The following C8orf34 variants were observed in gnomAD, a reference collection of about 807,000 sequenced individuals.
The protein encoded by C8orf34 is chromosome 8 open reading frame 34, also known as uncharacterized protein C8orf34.
A neutral mutation model predicts 68.3 loss-of-function variants in C8orf34; 65 were observed. That is an observed-to-expected ratio of 0.95 (90% confidence interval 0.78 to 1.17). C8orf34 has a LOEUF of 1.17. Among genes scored for constraint, C8orf34 ranks in the 50% most tolerant of loss-of-function variants. The pLI, the probability that C8orf34 is intolerant of heterozygous loss-of-function variation, is 0.00. For synonymous variants in C8orf34, 244 were observed against 241.2 expected (o/e 1.01, Z -0.11); for missense variants, 664 against 655.4 (o/e 1.01, Z -0.14).
chr8:68,699,684 C>G (rs1238025738), intron 8 of C8orf34, among the ~76,000 whole-genome samples: 1 of 152,046 alleles, frequency 6.6e-6, no homozygotes, highest in Non-Finnish European at 1.5e-5. Context: ...GCAGAAGAGA[C>G]CAAACACAAA....
chr8:68,592,232 A>AGATTCACAAAAAT (rs71253095), intron 7 of C8orf34, among the ~76,000 whole-genome samples: 89,746 of 151,720 alleles, frequency 0.59, 26,769 homozygotes, highest in African/African-American at 0.64. Flanking sequence ...TTAATTTTTT[A>AGATTCACAAAAAT]TTCCTTATGG....
chr8:68,653,210 T>G (rs1001289458), intron 8 of C8orf34, among the ~76,000 whole-genome samples: 1 of 152,160 alleles, frequency 6.6e-6, no homozygotes, highest in Non-Finnish European at 1.5e-5. Context: ...ATGCAAACAA[T>G]AAAACTCCTG....
At chr8:68,777,361 T>C (rs191448944) in intron 11 of C8orf34, among the ~76,000 whole-genome samples, 26 of 152,350 alleles carry the variant, frequency 1.7e-4, no homozygotes, top group Non-Finnish European at 2.4e-4. Context: ...AACTTAAGAA[T>C]AAGTCTTCTA....
chr8:68,498,336 C>A (rs1458155885), intron 5 of C8orf34, among the ~76,000 whole-genome samples: 1 of 152,212 alleles, frequency 6.6e-6, no homozygotes, highest in Non-Finnish European at 1.5e-5. Flanking sequence ...GAATATTTGA[C>A]TTTGGAACAA....
At chr8:68,771,628 G>A (rs924103937) in intron 10 of C8orf34, among the ~76,000 whole-genome samples, 10 of 151,720 alleles carry the variant, frequency 6.6e-5, no homozygotes, top group African/African-American at 2.2e-4. Flanking sequence ...CCTTTATCCG[G>A]ACTAATGACT....
chr8:68,462,503 A>G (rs1811887754), intron 3 of C8orf34, among the ~76,000 whole-genome samples: 2 of 151,804 alleles, frequency 1.3e-5, no homozygotes, highest in Admixed American at 6.6e-5. Flanking sequence ...TTTCAGCACC[A>G]CACCACACCT....
chr8:68,523,412 C>G (rs1357742823), intron 6 of C8orf34, among the ~76,000 whole-genome samples: 2 of 152,176 alleles, frequency 1.3e-5, no homozygotes, highest in African/African-American at 4.8e-5. Context: ...CCTGAATACT[C>G]AATAAGGGAG....
intron 11 of C8orf34, among the ~76,000 whole-genome samples, chr8:68,786,808 C>T (rs1823858451): frequency 6.6e-6 from 1 of 152,064 alleles, no homozygotes; most frequent in Non-Finnish European, 1.5e-5. Flanking sequence ...ACTTAAAAAG[C>T]GTGCTCTGGC....
At chr8:68,347,357 T>C (rs1158078156) in intron 1 of C8orf34, among the ~76,000 whole-genome samples, 1 of 152,092 alleles carries the variant, frequency 6.6e-6, no homozygotes, top group Non-Finnish European at 1.5e-5. Flanking sequence ...TTTAATCCAG[T>C]CAGTCATTGA....
At chr8:68,526,802 C>G (rs1372901505) in intron 6 of C8orf34, among the ~76,000 whole-genome samples, 1 of 152,018 alleles carries the variant, frequency 6.6e-6, no homozygotes, top group African/African-American at 2.4e-5. Context: ...CGCATGGAAT[C>G]AGATCAAACT....
chr8:68,690,256 A>G (rs1820647591), intron 8 of C8orf34, among the ~76,000 whole-genome samples: 1 of 151,846 alleles, frequency 6.6e-6, no homozygotes, highest in African/African-American at 2.4e-5. Flanking sequence ...TTTGAAAACT[A>G]TTGTAGGGGA....
At chr8:68,777,848 A>T (rs796547979) in intron 11 of C8orf34, among the ~76,000 whole-genome samples, 6 of 152,244 alleles carry the variant, frequency 3.9e-5, no homozygotes, top group African/African-American at 1.4e-4. Context: ...CTCAATAATA[A>T]TTTTTTGTCT....
intron 10 of C8orf34, among the ~76,000 whole-genome samples, chr8:68,766,355 T>A (rs1393476404): frequency 6.6e-6 from 1 of 152,210 alleles, no homozygotes; most frequent in Non-Finnish European, 1.5e-5. Flanking sequence ...TTAAATTATG[T>A]GACTCATATT....
intron 8 of C8orf34, among the ~76,000 whole-genome samples, chr8:68,648,623 A>C (rs78912279): frequency 0.05 from 7,606 of 152,276 alleles, 204 homozygotes; most frequent in Middle Eastern, 0.12. Context: ...CATGCTTAAC[A>C]TCAATAGTGC....
Position 68,331,156 on chromosome 8 carries a change from G to A in C8orf34, c.144G>A (p.Pro48=). ...GRGRASHAGQ[P]RLRSSCPGPS... ...GCCGAGCCAGCCACGCAGGGCAGCC[G>A]AGGCTCCGGAGCTCCTGTCCCGGCC... is the stretch of plus-strand genomic sequence containing the variant. Residue 48 remains proline, a synonymous_variant, in exon 1 of 14, where the codon CCG becomes CCA. Coordinates refer to ENST00000518698, the MANE Select transcript of C8orf34 (RefSeq NM_052958.4). 1 of 1,529,024 alleles carries A rather than the reference G, an allele frequency of 6.5e-7. No individual in the cohort carries two copies. Among genetic ancestry groups the A allele is most frequent in the Non-Finnish European group, 8.8e-7 (1 of 1,141,854 alleles). The allele number at this position is 1,529,024 out of a possible 1,614,324, so 94.7% of individuals were successfully genotyped here.
rs566743265 is a variant in C8orf34 at position 68,485,467 on chromosome 8, A to T, written c.737-2556A>T. Among the ~76,000 whole-genome samples the T allele has an allele frequency of 8.9e-4, 135 of 152,202 alleles. 1 individual carries two copies. The highest frequency in any genetic ancestry group is 3.2e-3 in the African/African-American group (132 of 41,546). ...AGTGACTCACCGCTATAATCCCAGC[A>T]CTTTGGGAGGCCCAGGCAGGCGGAT... On this transcript the variant is annotated intron_variant, in intron 4 of 13. Coordinates refer to ENST00000518698, the MANE Select transcript of C8orf34 (RefSeq NM_052958.4).
intron 8 of C8orf34, among the ~76,000 whole-genome samples, chr8:68,652,011 C>T (rs527236264): frequency 3.9e-5 from 6 of 152,214 alleles, no homozygotes; most frequent in South Asian, 4.1e-4. Flanking sequence ...GACTGAGTTC[C>T]GTGCATTATA....
chr8:68,576,141 T>TACACACACAC (rs112048534), intron 7 of C8orf34, among the ~76,000 whole-genome samples: 73 of 149,228 alleles, frequency 4.9e-4, no homozygotes, highest in African/African-American at 1.7e-3. Context: ...ATATTCTTTT[T>TACACACACAC]ACACACACAC....
At chr8:68,603,104 A>G (rs1355869389) in intron 7 of C8orf34, among the ~76,000 whole-genome samples, 1 of 151,718 alleles carries the variant, frequency 6.6e-6, no homozygotes, top group Non-Finnish European at 1.5e-5. Context: ...TCATCTTTCA[A>G]ATCTTCCTAA....
Sources: gnomAD v4.1 joint callset for allele counts (sites outside exome capture counted in the v4.1 genomes callset) on GRCh38, gnomAD v4.1.1 for gene constraint, MANE v1.5 for transcripts, NCBI Gene and HGNC (gene_info 2026-07-23, HGNC 2026-07-21) for gene names.